Variants in ZNF567 observed in about 807,000 individuals in gnomAD.
The protein encoded by ZNF567 is zinc finger protein 567.
Under a neutral mutation model 53.9 loss-of-function variants are expected in ZNF567, and 36 were observed. The observed-to-expected ratio is 0.67, with a 90% CI of 0.51 to 0.88. ZNF567 has a LOEUF of 0.88. ZNF567 is among the 40% of genes least tolerant of loss of function. ZNF567 has a pLI of 0.00. For synonymous variants in ZNF567, 224 were observed against 260.4 expected (o/e 0.86, Z 1.35); for missense variants, 619 against 764.7 (o/e 0.81, Z 2.25).
At chr19:36,726,783 C>T (rs964963348), downstream of ZNF567, among the ~76,000 whole-genome samples, 1 of 152,098 alleles carries the variant, frequency 6.6e-6, no homozygotes, top group Non-Finnish European at 1.5e-5. Context: ...CCAAATGACT[C>T]CAGGGGCCCT....
chr19:36,672,975 C>T, the ZNF567 span, among the ~76,000 whole-genome samples: 8 of 152,182 alleles, frequency 5.3e-5, no homozygotes, highest in Admixed American at 4.6e-4. Flanking sequence ...AATGTGTCTT[C>T]TTTATTTTAT....
At chr19:36,707,429 CTGT>C (rs2039554596) in intron 3 of ZNF567, among the ~76,000 whole-genome samples, 1 of 152,162 alleles carries the variant, frequency 6.6e-6, no homozygotes, top group African/African-American at 2.4e-5. Context: ...AATGTGTAAT[CTGT>C]TGTTACTACC....
At chr19:36,710,587 A>G (rs2039730967) in intron 3 of ZNF567, among the ~76,000 whole-genome samples, 1 of 152,096 alleles carries the variant, frequency 6.6e-6, no homozygotes, top group Non-Finnish European at 1.5e-5. Flanking sequence ...ATATCCTCTT[A>G]GTTCTTCAAG....
chr19:36,668,154 A>C, the ZNF567 span: 4 of 152,396 alleles, frequency 2.6e-5, no homozygotes, highest in African/African-American at 9.7e-5. Flanking sequence ...TATGTTGCCC[A>C]GGCTGGTGGT....
chr19:36,672,379 A>G, the ZNF567 span, among the ~76,000 whole-genome samples: 1 of 152,234 alleles, frequency 6.6e-6, no homozygotes, highest in African/African-American at 2.4e-5. Flanking sequence ...TTTGTGCCCT[A>G]TGTGAATACT....
At position 36,689,515 on chromosome 19, in the gene ZNF567, T is replaced by C. The variant is rs955064577; in HGVS notation, c.-67+18T>C. ...AATTTAGTGTAAGTCATCTCTTACC[T>C]TCCAAGAGAACCTGCTGCTTGGAAC... On this transcript the variant is annotated intron_variant, in intron 2 of 5. Transcript: ENST00000682579. 3.9e-5 allele frequency: 6 copies of C among 152,102 alleles called. No homozygotes were observed. Among genetic ancestry groups the C allele is most frequent in the Non-Finnish European group, 4.4e-5 (3 of 68,024 alleles). The allele number at this position is 152,102 out of a possible 1,614,324, so 9.4% of individuals were successfully genotyped here.
chr19:36,701,574 G>C (rs963442877), intron 3 of ZNF567, among the ~76,000 whole-genome samples: 2 of 152,018 alleles, frequency 1.3e-5, no homozygotes, highest in African/African-American at 2.4e-5. Flanking sequence ...CTCTTTCTAG[G>C]TCTCTAAGGA....
At chr19:36,707,604 T>G (rs1420430253) in intron 3 of ZNF567, among the ~76,000 whole-genome samples, 1 of 152,038 alleles carries the variant, frequency 6.6e-6, no homozygotes, top group Non-Finnish European at 1.5e-5. Context: ...TGAAACGGAG[T>G]TTTACTCTTG....
the ZNF567 span, chr19:36,668,924 A>G: frequency 6.6e-6 from 1 of 152,166 alleles, no homozygotes; most frequent in Non-Finnish European, 1.5e-5. Context: ...TGCATTGTGG[A>G]TTCAACAAAC....
At chr19:36,671,592 A>AGT in the ZNF567 span, among the ~76,000 whole-genome samples, 2 of 152,148 alleles carry the variant, frequency 1.3e-5, no homozygotes, top group African/African-American at 4.8e-5. Context: ...TGGTGCCTCA[A>AGT]GTGTCAGTAG....
chr19:36,675,840 C>G, the ZNF567 span, among the ~76,000 whole-genome samples: 2 of 152,052 alleles, frequency 1.3e-5, no homozygotes, highest in African/African-American at 4.8e-5. Context: ...CAGAGCAAGA[C>G]TCTGTCTCAA....
the ZNF567 span, among the ~76,000 whole-genome samples, chr19:36,682,114 A>C: frequency 1.3e-5 from 2 of 151,880 alleles, no homozygotes; most frequent in African/African-American, 4.8e-5. Context: ...CATCTCTATA[A>C]ATTTTTTAAA....
intron 2 of ZNF567, among the ~76,000 whole-genome samples, chr19:36,691,069 A>T (rs2073573794): frequency 6.6e-6 from 1 of 152,240 alleles, no homozygotes; most frequent in Admixed American, 6.5e-5. Flanking sequence ...AGTGCCACTG[A>T]GGAGTATTAT....
chr19:36,720,126 C>A lies in ZNF567; in HGVS notation c.1402C>A (p.Gln468Lys), dbSNP rs561071751. Residue 468 changes from glutamine to lysine, a missense_variant, in exon 6 of 6, where the codon CAG becomes AAG. Physicochemically the swap from Gln to Lys is moderately conservative, Grantham distance 53. Transcript: ENST00000682579. ...CCAGAAGACAACCCTTGTAGCACAT[C>A]AGAGAACACATACAGGGGAGAAATC... is the stretch of plus-strand genomic sequence containing the variant. ...FRQKTTLVAHQRTHTGEKSYE... is the reference protein window; with the variant it reads ...FRQKTTLVAHKRTHTGEKSYE... The A allele has an allele frequency of 6.2e-6, 10 of 1,614,038 alleles. No homozygotes were observed. The African/African-American group carries it at 1.3e-4, about 22-fold the overall frequency.
chr19:36,667,598 AAAC>A, the ZNF567 span, among the ~76,000 whole-genome samples: 1 of 150,018 alleles, frequency 6.7e-6, no homozygotes, highest in Admixed American at 6.6e-5. Flanking sequence ...AAGAAAAAAC[AAAC>A]AACAACAACA....
At chr19:36,708,247 T>C (rs2145788749) in intron 3 of ZNF567, among the ~76,000 whole-genome samples, 1 of 152,208 alleles carries the variant, frequency 6.6e-6, no homozygotes, top group South Asian at 2.1e-4. Flanking sequence ...CTTTTGATCA[T>C]TTTTTTTCCC....
At chr19:36,685,650 A>G (rs1318938965), upstream of ZNF567, 2 of 152,272 alleles carry the variant, frequency 1.3e-5, no homozygotes, top group Non-Finnish European at 2.9e-5. Context: ...ATACTGTATC[A>G]GAGAAATCAC....
At chr19:36,689,236 A>AGTGT (rs59984347) in intron 1 of ZNF567, among the ~76,000 whole-genome samples, 161 bp from the exon 2 acceptor site, 5,116 of 138,882 alleles carry the variant, frequency 0.037, 158 homozygotes, top group African/African-American at 0.091. Flanking sequence ...CCTATTTGAG[A>AGTGT]GTGTGTGTGT....
the ZNF567 span, chr19:36,669,468 T>TAA: frequency 3.9e-5 from 6 of 152,224 alleles, no homozygotes; most frequent in African/African-American, 1.4e-4. Context: ...ATGGATACGT[T>TAA]ACAGTGGGGA....
Sources: allele counts gnomAD v4.1 joint callset (sites outside exome capture counted in the v4.1 genomes callset), GRCh38; gene constraint gnomAD v4.1.1; transcripts MANE v1.5; gene names NCBI Gene and HGNC (gene_info 2026-07-23, HGNC 2026-07-21).